SUSD3: variants seen among roughly 807,000 people sequenced by gnomAD.
The protein encoded by SUSD3 is sushi domain-containing protein 3.
A neutral mutation model predicts 20.6 loss-of-function variants in SUSD3; 18 were observed. The ratio of observed to expected loss-of-function variants is 0.87; its 90% CI spans 0.60 to 1.30. The LOEUF is 1.30. Ranked by LOEUF, SUSD3 falls within the 50% of genes most tolerant of loss-of-function variation. The probability of loss-of-function intolerance (pLI) is 0.00; values close to 1 mark genes in which losing one functional copy is unlikely to be tolerated. For synonymous variants in SUSD3, 137 were observed against 141.5 expected (o/e 0.97, Z 0.23); for missense variants, 306 against 346.9 (o/e 0.88, Z 0.94).
At chr9:93,058,970 C>G (rs1020862111) in intron 1 of SUSD3, 140 bp downstream of exon 1, 1 of 473,444 alleles carries the variant, frequency 2.1e-6, no homozygotes. Context: ...CGAACCTCCT[C>G]GACCCTCCGC....
chr9:93,059,606 C>A (rs914999163), intron 1 of SUSD3, among the ~76,000 whole-genome samples: 4 of 152,256 alleles, frequency 2.6e-5, no homozygotes, highest in African/African-American at 9.6e-5. Context: ...CTTACTTCCG[C>A]GGCCACTGCC....
intron 3 of SUSD3, 61 bp downstream of exon 3, chr9:93,078,054 A>C: frequency 6.2e-7 from 1 of 1,609,442 alleles, no homozygotes; most frequent in Non-Finnish European, 8.5e-7. Flanking sequence ...CCATGGGAGG[A>C]GGAAAGGACA....
At chr9:93,078,165 G>A (rs954942998) in intron 3 of SUSD3, among the ~76,000 whole-genome samples, 172 bp downstream of exon 3, 2 of 152,214 alleles carry the variant, frequency 1.3e-5, no homozygotes, top group Non-Finnish European at 2.9e-5. Context: ...CCCGGCCCAC[G>A]CAGCAGCCAG....
At position 93,077,981 on chromosome 9, in the gene SUSD3, G is replaced by A. The variant is rs1000866507; in HGVS notation, c.413G>A (p.Arg138Gln). The part of the protein sequence containing the change: ...LLKCVKKSKR[R>Q]RSNRSAQLWS... ...AAGTGCGTGAAGAAGAGCAAGCGGCGGCGCTCCAACAGGTACGGTGGCCTC... is the reference window on the plus strand; with the variant it reads ...AAGTGCGTGAAGAAGAGCAAGCGGCAGCGCTCCAACAGGTACGGTGGCCTC... Residue 138 changes from arginine (R) to glutamine (Q), a missense_variant, in exon 3 of 5, where the codon CGG becomes CAG. Coordinates refer to ENST00000375472, the MANE Select transcript of SUSD3 (RefSeq NM_145006.4). 2.4e-5 allele frequency: 39 copies of A among 1,614,056 alleles called. No individual in the cohort carries two copies. Among genetic ancestry groups the A allele is most frequent in the Non-Finnish European group, 3.0e-5 (35 of 1,180,048 alleles).
chr9:93,061,315 C>A (rs1825497567), intron 1 of SUSD3, among the ~76,000 whole-genome samples: 1 of 152,236 alleles, frequency 6.6e-6, no homozygotes, highest in East Asian at 1.9e-4. Flanking sequence ...AAACTGAGAC[C>A]CCGTGAATGC....
intron 1 of SUSD3, among the ~76,000 whole-genome samples, chr9:93,066,270 G>A (rs1367870162): frequency 5.3e-5 from 8 of 152,150 alleles, no homozygotes; most frequent in Non-Finnish European, 1.5e-5. Context: ...GTCTCCCTCT[G>A]TCGCCCATGT....
intron 4 of SUSD3, among the ~76,000 whole-genome samples, chr9:93,080,318 CAAAAAAA>C (rs56134136): frequency 1.4e-4 from 8 of 56,752 alleles, no homozygotes; most frequent in Non-Finnish European, 3.0e-4. Context: ...GACTCCGTCT[CAAAAAAA>C]AAAAAAAAAA....
At chr9:93,058,915 C>G in intron 1 of SUSD3, 85 bp downstream of exon 1, 1 of 820,884 alleles carries the variant, frequency 1.2e-6, no homozygotes, top group Non-Finnish European at 1.7e-6. Context: ...GTCGCGGGGC[C>G]GCACAGCCGT....
intron 2 of SUSD3, 147 bp downstream of exon 2, chr9:93,076,119 G>A (rs1195875704): frequency 2.9e-6 from 2 of 683,864 alleles, no homozygotes; most frequent in South Asian, 4.0e-5. Context: ...AACACTGACA[G>A]CTTGCTTACA....
chr9:93,063,728 C>T (rs1265364896), intron 1 of SUSD3, among the ~76,000 whole-genome samples: 1 of 152,026 alleles, frequency 6.6e-6, no homozygotes, highest in African/African-American at 2.4e-5. Flanking sequence ...CAGTTACTTC[C>T]CCCAGACCCT....
At chr9:93,079,053 C>T (rs1001883377) in intron 3 of SUSD3, among the ~76,000 whole-genome samples, 1 of 152,130 alleles carries the variant, frequency 6.6e-6, no homozygotes, top group Non-Finnish European at 1.5e-5. Flanking sequence ...CCACCTGCCA[C>T]GGCCTCCCAA....
intron 4 of SUSD3, among the ~76,000 whole-genome samples, chr9:93,081,178 C>T (rs1826397254): frequency 6.6e-6 from 1 of 152,176 alleles, no homozygotes; most frequent in Non-Finnish European, 1.5e-5. Context: ...TCCTGCCTTG[C>T]ACAAGATGTT....
chr9:93,083,931 G>C (rs925936278), intron 4 of SUSD3, among the ~76,000 whole-genome samples: 1 of 152,048 alleles, frequency 6.6e-6, no homozygotes, highest in Non-Finnish European at 1.5e-5. Flanking sequence ...AAGGGCTGGA[G>C]GTGGGAGCCG....
chr9:93,064,253 G>A (rs150070011), intron 1 of SUSD3, among the ~76,000 whole-genome samples: 35 of 152,286 alleles, frequency 2.3e-4, no homozygotes, highest in South Asian at 4.1e-4. Flanking sequence ...TCACCATGTT[G>A]GCCAGGATGG....
chr9:93,082,239 A>G (rs147580780), intron 4 of SUSD3, among the ~76,000 whole-genome samples: 25 of 149,320 alleles, frequency 1.7e-4, no homozygotes, highest in Admixed American at 5.3e-4. Flanking sequence ...TTACCTCCAA[A>G]TGTTTTGCTC....
intron 1 of SUSD3, among the ~76,000 whole-genome samples, chr9:93,071,928 A>G (rs1367849727): frequency 4.6e-5 from 7 of 152,132 alleles, no homozygotes; most frequent in Non-Finnish European, 1.5e-5. Flanking sequence ...CTTGGCCATC[A>G]GGTGGGGCTC....
intron 1 of SUSD3, among the ~76,000 whole-genome samples, 193 bp downstream of exon 1, chr9:93,059,023 G>A (rs1173749010): frequency 2.0e-5 from 3 of 152,226 alleles, no homozygotes; most frequent in Non-Finnish European, 2.9e-5. Context: ...CTGGCAGCGA[G>A]CAGTTCGAAA....
intron 4 of SUSD3, among the ~76,000 whole-genome samples, chr9:93,080,054 T>G (rs2118998279): frequency 6.6e-6 from 1 of 152,256 alleles, no homozygotes; most frequent in South Asian, 2.1e-4. Context: ...TTGGCCAGGC[T>G]TGGTGGCTCA....
chr9:93,074,149 T>A (rs1401484335), intron 1 of SUSD3, among the ~76,000 whole-genome samples: 1 of 152,108 alleles, frequency 6.6e-6, no homozygotes, highest in East Asian at 1.9e-4. Flanking sequence ...GTGTCCTTAT[T>A]TAAGAACATC....
Sources: gnomAD v4.1 joint callset for allele counts (sites outside exome capture counted in the v4.1 genomes callset) on GRCh38, gnomAD v4.1.1 for gene constraint, MANE v1.5 for transcripts, NCBI Gene and HGNC (gene_info 2026-07-23, HGNC 2026-07-21) for gene names.